ALK: variants seen among roughly 807,000 people sequenced by gnomAD.
ALK encodes the protein ALK receptor tyrosine kinase, also known as ALK tyrosine kinase receptor.
A neutral mutation model predicts 163.1 loss-of-function variants in ALK; 74 were observed. That is an observed-to-expected ratio of 0.45 (90% CI 0.38 to 0.55). ALK has a LOEUF of 0.55. Among genes scored for constraint, ALK ranks in the 20% least tolerant of loss-of-function variants. The pLI, the probability that ALK is intolerant of heterozygous loss-of-function variation, is 0.00. For synonymous variants in ALK, 960 were observed against 843.2 expected (o/e 1.14, Z -2.40); for missense variants, 2,063 against 2,105.3 (o/e 0.98, Z 0.39).
rs1553348530 is a variant in ALK at position 29,694,976 on chromosome 2, A to G, written c.826T>C (p.Tyr276His). The stretch of plus-strand genomic sequence containing the variant: ...CTGAGGTCATGCAGTGGAGGGGAAT[A>G]CTCCAGCTCACAGGGGAAGTCAAAG... Reference protein sequence around the residue: ...CSFDFPCELEYSPPLHDLRNQ... With the variant: ...CSFDFPCELEHSPPLHDLRNQ... The change falls in exon 3 of 29, where the codon TAT becomes CAT. Residue 276 changes from tyrosine (Y) to histidine (H), a missense_variant. This residue lies in a region of ALK where 987 missense variants were observed against 939.5 expected (regional missense o/e 1.05). Transcript: ENST00000389048. 9 of 1,613,906 alleles carry G rather than the reference A, an allele frequency of 5.6e-6. No individual in the cohort carries two copies. The highest frequency in any genetic ancestry group is 7.6e-6 in the Non-Finnish European group (9 of 1,179,952).
intron 1 of ALK, among the ~76,000 whole-genome samples, chr2:29,734,555 C>G (rs1383019906): frequency 2.0e-5 from 3 of 152,030 alleles, no homozygotes; most frequent in African/African-American, 7.2e-5. Flanking sequence ...AAATGAGCAA[C>G]CTCTTCCCCC....
intron 1 of ALK, chr2:29,899,455 G>A (rs890606171): frequency 1.3e-5 from 2 of 152,254 alleles, no homozygotes; most frequent in African/African-American, 4.8e-5. Flanking sequence ...AGAGAGCCTG[G>A]GCTCTTGAGC....
At chr2:29,698,205 C>T (rs1199531544) in intron 2 of ALK, among the ~76,000 whole-genome samples, 1 of 152,186 alleles carries the variant, frequency 6.6e-6, no homozygotes, top group East Asian at 1.9e-4. Flanking sequence ...GAACCACAGG[C>T]TGCCTTAATC....
intron 8 of ALK, among the ~76,000 whole-genome samples, chr2:29,317,231 A>G (rs552173013): frequency 6.6e-6 from 1 of 152,330 alleles, no homozygotes; most frequent in South Asian, 2.1e-4. Flanking sequence ...ACAGGAAACA[A>G]ATTGCTCAGA....
At chr2:29,589,898 A>G (rs1285125461) in intron 3 of ALK, among the ~76,000 whole-genome samples, 2 of 152,238 alleles carry the variant, frequency 1.3e-5, no homozygotes, top group African/African-American at 4.8e-5. Context: ...GGCAGAAAGG[A>G]AAGTAAACAG....
chr2:29,393,186 T>C lies in ALK; in HGVS notation c.1155-9327A>G, dbSNP rs948865827. ...TTATTCTGTCAGACTCGGAACATGA[T>C]ACCCAAAAGTATGGCCCCTTGGCAT... On this transcript the variant is annotated intron_variant, in intron 4 of 28. Transcript: ENST00000389048. Among the ~76,000 whole-genome samples, 10 of 152,342 alleles carry C rather than the reference T, an allele frequency of 6.6e-5. No individual in the cohort carries two copies. In the South Asian group the frequency reaches 1.2e-3, roughly 19 times the overall value.
chr2:29,482,301 A>G (rs898125466), intron 4 of ALK, among the ~76,000 whole-genome samples: 3 of 152,156 alleles, frequency 2.0e-5, no homozygotes, highest in Non-Finnish European at 2.9e-5. Context: ...CCATAATTTC[A>G]TAAAATAGAG....
chr2:29,364,467 G>C (rs1668456850), intron 5 of ALK, among the ~76,000 whole-genome samples: 1 of 152,200 alleles, frequency 6.6e-6, no homozygotes, highest in Non-Finnish European at 1.5e-5. Flanking sequence ...AGAAGGGAAT[G>C]GGGTTCTGAT....
At chr2:29,844,354 A>G (rs1366435085) in intron 1 of ALK, among the ~76,000 whole-genome samples, 1 of 152,146 alleles carries the variant, frequency 6.6e-6, no homozygotes, top group Non-Finnish European at 1.5e-5. Context: ...GGTGCAGATC[A>G]TGTACCTCGT....
chr2:29,867,560 G>T (rs905688216), intron 1 of ALK, among the ~76,000 whole-genome samples: 1 of 152,116 alleles, frequency 6.6e-6, no homozygotes, highest in African/African-American at 2.4e-5. Flanking sequence ...TCTTACAACT[G>T]CCTCATAACT....
chr2:29,725,379 C>T (rs766673782), intron 1 of ALK, among the ~76,000 whole-genome samples: 3 of 152,082 alleles, frequency 2.0e-5, no homozygotes, highest in Non-Finnish European at 4.4e-5. Context: ...TTCCTAAATC[C>T]TACCCCTTCT....
In ALK at chr2:29,318,378, C is replaced by A. The variant is rs2148248216; in HGVS notation, c.1573G>T (p.Asp525Tyr). The A allele has an allele frequency of 6.2e-7, 1 of 1,613,786 alleles. No homozygotes were observed. Among genetic ancestry groups the A allele is most frequent in the Non-Finnish European group, 8.5e-7 (1 of 1,179,738 alleles). ...QDHALLLSTTDVPASESATVT... is the reference protein window; with the variant it reads ...QDHALLLSTTYVPASESATVT... ...GTAGCACTTTCAGAAGCGGGGACAT[C>A]AGTGGTACTGAGCAATAGAGCATGG... Residue 525 changes from aspartate (D) to tyrosine (Y), a missense_variant, in exon 8 of 29, where the codon GAT becomes TAT. Asp to Tyr is a radical substitution (Grantham distance 160). This residue lies in a region of ALK where 987 missense variants were observed against 939.5 expected (regional missense o/e 1.05). Transcript: ENST00000389048.
intron 1 of ALK, among the ~76,000 whole-genome samples, chr2:29,850,127 T>C (rs4665483): frequency 0.92 from 140,175 of 152,260 alleles, 64,616 homozygotes; most frequent in East Asian, 1. Context: ...ACACGTCACC[T>C]GATGGAATAT....
intron 3 of ALK, among the ~76,000 whole-genome samples, chr2:29,604,220 A>G (rs1448832393): frequency 1.3e-5 from 2 of 149,400 alleles, no homozygotes; most frequent in Non-Finnish European, 3.0e-5. Context: ...AAAAGAGAAT[A>G]TTTTATGACG....
At chr2:29,622,446 T>C (rs1040016384) in intron 3 of ALK, among the ~76,000 whole-genome samples, 2 of 152,168 alleles carry the variant, frequency 1.3e-5, no homozygotes, top group African/African-American at 4.8e-5. Context: ...CTCCTGAGAC[T>C]TATTCACTAT....
intron 1 of ALK, among the ~76,000 whole-genome samples, chr2:29,917,239 CT>C (rs1026532681): frequency 9.9e-5 from 15 of 152,202 alleles, no homozygotes; most frequent in African/African-American, 3.6e-4. Context: ...CAGCTCTTCC[CT>C]CCCCCACAAA....
At position 29,239,760 on chromosome 2, in the gene ALK, C is replaced by T. The variant is rs199691702; in HGVS notation, c.2275G>A (p.Val759Met). The stretch of plus-strand genomic sequence containing the variant: ...TTCTCCAGGTTGAAGATGCCCAGCA[C>T]AGACACGCCGTGGGACCGCATCATG... ...NTMMRSHGVS[V>M]LGIFNLEKDD... is the part of the protein sequence containing the mutation. Residue 759 changes from valine to methionine, a missense_variant, in exon 13 of 29, where the codon GTG (valine) becomes ATG (methionine). Physicochemically the swap from Val to Met is conservative, Grantham distance 21. Around this residue, in one of 5 missense-constraint regions of ALK, gnomAD observed 575 missense variants for 626.6 expected, o/e 0.92. Transcript: ENST00000389048. 40 of 1,614,102 alleles carry T rather than the reference C, an allele frequency of 2.5e-5. No homozygotes were observed. In the Admixed American group the frequency reaches 5.0e-4, roughly 20 times the overall value.
At chr2:29,563,545 A>T (rs962632438) in intron 3 of ALK, among the ~76,000 whole-genome samples, 1 of 152,190 alleles carries the variant, frequency 6.6e-6, no homozygotes, top group African/African-American at 2.4e-5. Context: ...GCTGAAAGAG[A>T]TATCAAAGGG....
intron 3 of ALK, among the ~76,000 whole-genome samples, chr2:29,561,002 A>G (rs190525776): frequency 8.7e-4 from 133 of 152,242 alleles, no homozygotes; most frequent in African/African-American, 3.1e-3. Flanking sequence ...TTAGTCTAAT[A>G]TTATTCTCAT....
Sources: allele counts gnomAD v4.1 joint callset (sites outside exome capture counted in the v4.1 genomes callset), GRCh38; gene constraint gnomAD v4.1.1; regional missense constraint gnomAD v4.1.1; transcripts MANE v1.5; gene names NCBI Gene and HGNC (gene_info 2026-07-23, HGNC 2026-07-21).